The following WASF1 variants were observed in gnomAD, a reference collection of about 807,000 sequenced individuals.
The protein encoded by WASF1 is actin-binding protein WASF1.
A neutral mutation model predicts 50.5 loss-of-function variants in WASF1; 7 were observed. That is an observed-to-expected ratio of 0.14 (90% confidence interval 0.08 to 0.26). The LOEUF (loss-of-function observed/expected upper bound fraction) is 0.26, where lower values mean the gene tolerates loss of function less well. WASF1 is among the 10% of genes least tolerant of loss of function. The pLI is 1.00. For synonymous variants in WASF1, 205 were observed against 244.0 expected (o/e 0.84, Z 1.49); for missense variants, 470 against 694.7 (o/e 0.68, Z 3.64).
chr6:110,162,927 A>G (rs1375963125), intron 2 of WASF1, among the ~76,000 whole-genome samples: 1 of 151,628 alleles, frequency 6.6e-6, no homozygotes. Context: ...AAGTATGCTG[A>G]TTGGGAAGGA....
intron 3 of WASF1, among the ~76,000 whole-genome samples, chr6:110,137,921 T>C (rs538762741): frequency 2.7e-4 from 41 of 152,362 alleles, no homozygotes; most frequent in African/African-American, 9.9e-4. Flanking sequence ...CACAGGGTCC[T>C]TAGGGTGTGT....
intron 3 of WASF1, among the ~76,000 whole-genome samples, chr6:110,146,737 TG>T (rs1028876895): frequency 9.2e-5 from 14 of 152,134 alleles, no homozygotes; most frequent in Non-Finnish European, 1.8e-4. Context: ...ACTAAAAAAC[TG>T]AAGTTCAAAA....
intron 3 of WASF1, among the ~76,000 whole-genome samples, chr6:110,130,059 A>G (rs1436764990): frequency 6.6e-6 from 1 of 152,230 alleles, no homozygotes; most frequent in Non-Finnish European, 1.5e-5. Flanking sequence ...ATGACTAACA[A>G]ATGAGAAGTT....
At chr6:110,105,337 T>C in intron 8 of WASF1, 70 bp downstream of exon 8, 2 of 1,449,624 alleles carry the variant, frequency 1.4e-6, no homozygotes, top group African/African-American at 1.4e-5. Flanking sequence ...GACTCAAGAC[T>C]TAGAAGTACA....
Position 110,113,399 on chromosome 6 carries a change from T to C in WASF1, c.195A>G (p.Arg65=). ...CCACACGTTCTTGCAATGAGTTGAC[T>C]CTGAAGGAAAAACTATGTGCTTCAT... The part of the protein sequence containing the change: ...LFNEAHSFSF[R]VNSLQERVDR... The change falls in exon 5 of 11, where the codon AGA becomes AGG. Residue 65 remains arginine (R), a synonymous_variant. Coordinates refer to ENST00000392589, the MANE Select transcript of WASF1 (RefSeq NM_003931.3). 2.5e-6 allele frequency: 4 copies of C among 1,605,784 alleles called. No individual in the cohort carries two copies. The highest frequency in any genetic ancestry group is 3.4e-6 in the Non-Finnish European group (4 of 1,176,454).
At chr6:110,114,163 A>G (rs972864146) in intron 4 of WASF1, among the ~76,000 whole-genome samples, 25 of 152,358 alleles carry the variant, frequency 1.6e-4, no homozygotes, top group African/African-American at 5.8e-4. Context: ...ACTAAATTGC[A>G]TATAAGAGTA....
At chr6:110,124,243 T>TC (rs1562170331) in intron 4 of WASF1, among the ~76,000 whole-genome samples, 7 of 33,042 alleles carry the variant, frequency 2.1e-4, no homozygotes, top group South Asian at 1.5e-3. Flanking sequence ...CTCCTCTCTC[T>TC]CTCTCTCTCT....
At chr6:110,170,290 T>G (rs905196231) in intron 2 of WASF1, among the ~76,000 whole-genome samples, 7 of 152,196 alleles carry the variant, frequency 4.6e-5, no homozygotes, top group South Asian at 4.1e-4. Flanking sequence ...TGGTGCAATC[T>G]TGGCTCACTG....
At chr6:110,147,709 A>C (rs1775637060) in intron 3 of WASF1, among the ~76,000 whole-genome samples, 1 of 152,162 alleles carries the variant, frequency 6.6e-6, no homozygotes, top group South Asian at 2.1e-4. Flanking sequence ...TTACTTGACA[A>C]ATCATTATAC....
At chr6:110,167,784 A>G (rs540451836) in intron 2 of WASF1, among the ~76,000 whole-genome samples, 26 of 152,176 alleles carry the variant, frequency 1.7e-4, no homozygotes, top group Admixed American at 1.5e-3. Context: ...AAAATAAGTG[A>G]CTTAATTTTC....
At chr6:110,135,823 TTAATA>T (rs1472552871) in intron 3 of WASF1, among the ~76,000 whole-genome samples, 1 of 150,374 alleles carries the variant, frequency 6.7e-6, no homozygotes, top group African/African-American at 2.4e-5. Flanking sequence ...TTTTGGTTTG[TTAATA>T]TAATTAGTTT....
chr6:110,124,344 A>G lies in WASF1; in HGVS notation c.133+3125T>C, dbSNP rs1774327801. ...TTCAACTGTGACGGGGCAACCTGGA[A>G]CCTGCTTTCAGGACCCCTCTCTTGG... On this transcript the variant is annotated intron_variant, in intron 4 of 10. Transcript: ENST00000392589. 2.3e-5 allele frequency among the ~76,000 whole-genome samples: 3 copies of G among 130,748 alleles called. No homozygotes were observed. In the South Asian group the frequency reaches 7.8e-4, roughly 34 times the overall value. 85.8% of individuals were successfully genotyped at this position (130,748 alleles called of 152,430 possible).
At chr6:110,162,156 A>C (rs1451001569) in intron 2 of WASF1, among the ~76,000 whole-genome samples, 4 of 151,598 alleles carry the variant, frequency 2.6e-5, no homozygotes. Flanking sequence ...ATCAAGTATT[A>C]ATACTTAAGA....
At chr6:110,177,310 A>G in intron 2 of WASF1, 1 of 152,166 alleles carries the variant, frequency 6.6e-6, no homozygotes, top group East Asian at 1.9e-4. Context: ...TTTTATCTAT[A>G]TGTTTAACTA....
rs151197195 is a variant in WASF1 at position 110,101,774 on chromosome 6, T to C, written c.1336A>G (p.Thr446Ala). Residue 446 changes from threonine to alanine, a missense_variant, in exon 10 of 11, where the codon ACA becomes GCA. Coordinates refer to ENST00000392589, the MANE Select transcript of WASF1 (RefSeq NM_003931.3). ...CCAGAGGGAGGATGAGCAAGAGCTG[T>C]AACTGTGACAGGTGATGATGGTCGA... is the stretch of plus-strand genomic sequence containing the variant. ...GIRPSSPVTVTALAHPPSGLH... is the reference protein window; with the variant it reads ...GIRPSSPVTVAALAHPPSGLH... The C allele has an allele frequency of 3.1e-6, 5 of 1,614,082 alleles. No individual in the cohort carries two copies. Among genetic ancestry groups the C allele is most frequent in the African/African-American group, 2.7e-5 (2 of 75,004 alleles).
At chr6:110,155,465 A>G (rs1776018810) in intron 3 of WASF1, among the ~76,000 whole-genome samples, 1 of 148,768 alleles carries the variant, frequency 6.7e-6, no homozygotes, top group Admixed American at 6.8e-5. Flanking sequence ...TATACCAGAC[A>G]TTTCCAATAA....
At chr6:110,101,442 G>T in intron 10 of WASF1, 146 bp downstream of exon 10, 2 of 936,512 alleles carry the variant, frequency 2.1e-6, no homozygotes, top group Non-Finnish European at 3.1e-6. Flanking sequence ...AATATAAGTT[G>T]GATATAGCTT....
chr6:110,100,945 C>A (rs917683083), intron 10 of WASF1, among the ~76,000 whole-genome samples: 1 of 152,124 alleles, frequency 6.6e-6, no homozygotes, highest in African/African-American at 2.4e-5. Flanking sequence ...CTGCTCACCA[C>A]CCCCTAAAAA....
Position 110,105,462 on chromosome 6 carries a change from G to A in WASF1, c.658C>T (p.Leu220Phe), listed in dbSNP as rs1040080112. The A allele has an allele frequency of 9.3e-6, 15 of 1,613,896 alleles. No homozygotes were observed. The East Asian group carries it at 3.1e-4, about 34-fold the overall frequency. Residue 220 changes from leucine (L) to phenylalanine (F), a missense_variant, in exon 8 of 11, where the codon CTC becomes TTC. Physicochemically the swap from Leu to Phe is conservative, Grantham distance 22. Coordinates refer to ENST00000392589, the MANE Select transcript of WASF1 (RefSeq NM_003931.3). ...GPELAEDDAN[L>F]LHKHIEVANG... ...GCAACTTCAATATGCTTATGTAAGA[G>A]ATTAGCATCATCTTCAGCCAGCTCT...
Sources: allele counts gnomAD v4.1 joint callset (sites outside exome capture counted in the v4.1 genomes callset), GRCh38; gene constraint gnomAD v4.1.1; transcripts MANE v1.5; gene names NCBI Gene and HGNC (gene_info 2026-07-23, HGNC 2026-07-21).